UNC13C: variants seen among roughly 807,000 people sequenced by gnomAD.
UNC13C encodes unc-13 homolog C.
UNC13C carries 174 observed loss-of-function variants against 245.4 expected under a neutral mutation model. That is an observed-to-expected ratio of 0.71 (90% CI 0.63 to 0.80). The LOEUF is 0.80. Among genes scored for constraint, UNC13C ranks in the 30% least tolerant of loss-of-function variants. The pLI, the probability that UNC13C is intolerant of heterozygous loss-of-function variation, is 0.00. For synonymous variants in UNC13C, 992 were observed against 895.1 expected, an observed-to-expected ratio of 1.11 and a Z score of -1.93; for missense variants, 2,829 against 2,602.9, an observed-to-expected ratio of 1.09 and a Z score of -1.89.
chr15:53,984,697 A>C (rs1430590818), intron 1 of UNC13C, among the ~76,000 whole-genome samples: 1 of 152,134 alleles, frequency 6.6e-6, no homozygotes, highest in Non-Finnish European at 1.5e-5. Context: ...TTATATTTGA[A>C]ATGTACATGT....
chr15:54,235,220 A>G, intron 5 of UNC13C, 112 bp downstream of exon 5: 1 of 844,252 alleles, frequency 1.2e-6, no homozygotes, highest in Non-Finnish European at 1.9e-6. Flanking sequence ...ATGGAATAAA[A>G]ATATATGAGG....
rs779092566 is a variant in UNC13C at position 54,143,667 on chromosome 15, A to C, written c.3054A>C (p.Ala1018=). Reference sequence around the variant, plus strand: ...ATTTGGATGCTTCCAAATTTTCTGCACTCCAGGTGTGTGGTGGGTAAGTAC... The same window carrying C: ...ATTTGGATGCTTCCAAATTTTCTGCCCTCCAGGTGTGTGGTGGGTAAGTAC... The part of the protein sequence containing the change: ...GNDLDASKFS[A]LQVCGGAGGG... Residue 1018 remains alanine, a synonymous_variant, in exon 4 of 33, where the codon GCA becomes GCC. Coordinates refer to ENST00000260323, the MANE Select transcript of UNC13C (RefSeq NM_001080534.3). 1 of 1,613,252 alleles carries C rather than the reference A, an allele frequency of 6.2e-7. No individual in the cohort carries two copies. The highest frequency in any genetic ancestry group is 8.5e-7 in the Non-Finnish European group (1 of 1,179,392).
intron 2 of UNC13C, among the ~76,000 whole-genome samples, chr15:54,054,875 T>G (rs1395444448): frequency 6.6e-6 from 1 of 152,168 alleles, no homozygotes; most frequent in South Asian, 2.1e-4. Context: ...GAGTCGACTT[T>G]GATGCAGTCA....
chr15:54,398,765 CTG>C (rs1327646840), intron 18 of UNC13C, among the ~76,000 whole-genome samples: 1 of 151,272 alleles, frequency 6.6e-6, no homozygotes, highest in Non-Finnish European at 1.5e-5. Context: ...TTATGCCAGT[CTG>C]TTATTATTTT....
chr15:54,260,427 G>T (rs62011964), intron 8 of UNC13C, among the ~76,000 whole-genome samples: 1 of 151,888 alleles, frequency 6.6e-6, no homozygotes, highest in Non-Finnish European at 1.5e-5. Flanking sequence ...TGACTTTAGA[G>T]TAGAAATGTT....
chr15:54,220,481 G>T (rs1392132512), intron 4 of UNC13C, among the ~76,000 whole-genome samples: 30 of 149,220 alleles, frequency 2.0e-4, no homozygotes, highest in South Asian at 8.6e-4. Flanking sequence ...AGCATTAGGA[G>T]ATACACCTAA....
intron 4 of UNC13C, among the ~76,000 whole-genome samples, chr15:54,210,113 CAT>C (rs1420868993): frequency 6.6e-6 from 1 of 151,184 alleles, no homozygotes; most frequent in Non-Finnish European, 1.5e-5. Flanking sequence ...AAAGAATACT[CAT>C]GAAGAATCTC....
At chr15:54,314,184 A>G (rs2140967939) in intron 13 of UNC13C, among the ~76,000 whole-genome samples, 1 of 151,818 alleles carries the variant, frequency 6.6e-6, no homozygotes. Flanking sequence ...CAAGGAATAC[A>G]AAATTTTAGT....
At chr15:53,953,912 C>T in the UNC13C span, among the ~76,000 whole-genome samples, 73 of 152,236 alleles carry the variant, frequency 4.8e-4, 1 homozygote, top group Non-Finnish European at 8.8e-4. Context: ...TGGATAGATG[C>T]TACGTGCAGT....
At chr15:54,037,940 G>T (rs1896640114) in intron 2 of UNC13C, among the ~76,000 whole-genome samples, 1 of 150,186 alleles carries the variant, frequency 6.7e-6, no homozygotes, top group African/African-American at 2.4e-5. Context: ...AGCAATGGAG[G>T]TTTTTTGCTG....
intron 1 of UNC13C, among the ~76,000 whole-genome samples, chr15:53,990,509 A>G (rs1894337380): frequency 6.6e-6 from 1 of 152,070 alleles, no homozygotes; most frequent in Non-Finnish European, 1.5e-5. Flanking sequence ...GAAGTGCTGT[A>G]TAATAAAATT....
At chr15:54,504,304 C>T (rs1475934717) in intron 22 of UNC13C, among the ~76,000 whole-genome samples, 1 of 152,150 alleles carries the variant, frequency 6.6e-6, no homozygotes, top group Non-Finnish European at 1.5e-5. Context: ...TCTCTGGGAA[C>T]ATAATTCTAA....
At chr15:53,883,250 T>C in the UNC13C span, among the ~76,000 whole-genome samples, 13 of 152,174 alleles carry the variant, frequency 8.5e-5, no homozygotes, top group Admixed American at 8.5e-4. Context: ...AAGCTACTGT[T>C]AGAACTGAAT....
chr15:53,890,732 G>T, the UNC13C span, among the ~76,000 whole-genome samples: 1 of 145,426 alleles, frequency 6.9e-6, no homozygotes. Flanking sequence ...ATTTTTTATT[G>T]TGTCTGTTTG....
At chr15:54,281,766 T>A (rs962697061) in intron 10 of UNC13C, among the ~76,000 whole-genome samples, 2 of 152,218 alleles carry the variant, frequency 1.3e-5, no homozygotes, top group Admixed American at 6.5e-5. Context: ...GTATCATTAT[T>A]ATTATCACCA....
chr15:54,603,516 T>C (rs1265964991), intron 30 of UNC13C, among the ~76,000 whole-genome samples: 7 of 152,110 alleles, frequency 4.6e-5, no homozygotes, highest in East Asian at 1.9e-4. Context: ...TACTCCAGTG[T>C]GGATCTATAA....
intron 18 of UNC13C, among the ~76,000 whole-genome samples, chr15:54,395,318 C>T (rs1313137408): frequency 2.6e-5 from 4 of 151,808 alleles, no homozygotes; most frequent in African/African-American, 4.8e-5. Context: ...TGCATCGTCA[C>T]ATTTATGCTT....
rs936095190 is a variant in UNC13C at position 54,393,091 on chromosome 15, C to T, written c.4757C>T (p.Thr1586Ile). 13 of 1,610,178 alleles carry T rather than the reference C, an allele frequency of 8.1e-6. No individual in the cohort carries two copies. The highest frequency in any genetic ancestry group is 1.7e-4 in the Middle Eastern group (1 of 6,058). ...DIPREDQGPT[T>I]KNLDFWPQLI... The stretch of plus-strand genomic sequence containing the variant: ...CCTCGTGAAGATCAGGGACCAACCA[C>T]CAAGAATTTGGATTTTTGGCCCCAA... The change falls in exon 18 of 33, where the codon ACC (threonine) becomes ATC (isoleucine). Residue 1586 changes from threonine to isoleucine, a missense_variant. Transcript: ENST00000260323.
the UNC13C span, among the ~76,000 whole-genome samples, chr15:53,929,844 A>C: frequency 2.6e-5 from 4 of 152,232 alleles, no homozygotes; most frequent in Non-Finnish European, 4.4e-5. Context: ...CTAAAGCAAC[A>C]GGCTAGAATT....
Sources: allele counts gnomAD v4.1 joint callset (sites outside exome capture counted in the v4.1 genomes callset), GRCh38; gene constraint gnomAD v4.1.1; transcripts MANE v1.5; gene names NCBI Gene and HGNC (gene_info 2026-07-23, HGNC 2026-07-21).